The following TRIM49 variants were observed in gnomAD, a reference collection of about 807,000 sequenced individuals.
TRIM49 encodes the protein tripartite motif containing 49.
In TRIM49, 5 loss-of-function variants were observed where a neutral mutation model predicts 27.4. That is an observed-to-expected ratio of 0.18 (90% CI 0.10 to 0.38). TRIM49 has a LOEUF of 0.38. Among genes scored for constraint, TRIM49 ranks in the 10% least tolerant of loss-of-function variants. TRIM49 has a pLI of 1.00. For synonymous variants in TRIM49, 69 were observed against 166.0 expected, an observed-to-expected ratio of 0.42 and a Z score of 4.49; for missense variants, 188 against 487.5, an observed-to-expected ratio of 0.39 and a Z score of 5.79.
chr11:89,793,702 C>T (rs1368180036), downstream of TRIM49, among the ~76,000 whole-genome samples: 1 of 151,930 alleles, frequency 6.6e-6, no homozygotes, highest in African/African-American at 2.4e-5. Flanking sequence ...GCTAAAACCT[C>T]TCAATAAATT....
intron 4 of TRIM49, 134 bp downstream of exon 4, chr11:89,803,564 T>C: frequency 4.6e-6 from 7 of 1,528,706 alleles, no homozygotes; most frequent in Non-Finnish European, 6.2e-6. Context: ...CCACTTTTTC[T>C]CAGTGTTTTC....
Position 89,798,530 on chromosome 11 carries a change from T to C in TRIM49, c.959A>G (p.Tyr320Cys). The change falls in exon 8 of 8, where the codon TAT (tyrosine) becomes TGT (cysteine). Residue 320 changes from tyrosine to cysteine, a missense_variant. Physicochemically the swap from Tyr to Cys is radical, Grantham distance 194 (BLOSUM62 -2). This residue lies in a region of TRIM49 where 94 missense variants were observed against 149.6 expected (regional missense o/e 0.63). Coordinates refer to ENST00000329758, the MANE Select transcript of TRIM49 (RefSeq NM_020358.2). Reference sequence around the variant, plus strand: ...AAAACTTCTAGGTGTTGCAGTGAAATAGGGTACATCTTGATGGTCACATCC... The same window carrying C: ...AAAACTTCTAGGTGTTGCAGTGAAACAGGGTACATCTTGATGGTCACATCC... ...CIGCDHQDVP[Y>C]FTATPRSFLA... 4 of 1,580,690 alleles carry C rather than the reference T, an allele frequency of 2.5e-6. No individual in the cohort carries two copies. The highest frequency in any genetic ancestry group is 1.7e-4 in the Middle Eastern group (1 of 5,930).
Position 89,803,711 on chromosome 11 carries a change from G to A in TRIM49, c.494C>T (p.Thr165Ile), listed in dbSNP as rs1400751803. 3 of 1,301,306 alleles carry A rather than the reference G, an allele frequency of 2.3e-6. No homozygotes were observed. Among genetic ancestry groups the A allele is most frequent in the Admixed American group, 5.2e-5 (2 of 38,790 alleles). 80.6% of individuals were successfully genotyped at this position (1,301,306 alleles called of 1,614,324 possible). A position where few individuals can be genotyped will look rare whatever the true frequency, so the allele number is the denominator to read the frequency against. The change falls in exon 4 of 8, where the codon ACC becomes ATC. Residue 165 changes from threonine (T) to isoleucine (I), a missense_variant. By Grantham distance (89) the Thr-to-Ile change is moderately conservative (BLOSUM62 -1). This residue lies in a region of TRIM49 where 14 missense variants were observed against 118.8 expected (regional missense o/e 0.12). Coordinates refer to ENST00000329758, the MANE Select transcript of TRIM49 (RefSeq NM_020358.2). ...HRNLNVETTRTRCWKDYVNLR... is the reference protein window; with the variant it reads ...HRNLNVETTRIRCWKDYVNLR... The stretch of plus-strand genomic sequence containing the variant: ...TACAGGACTAACCTTCCAGCATCTG[G>A]TTCTGGTGGTTTCCACATTCAGGTT...
At chr11:89,783,653 T>C in the TRIM49 span, among the ~76,000 whole-genome samples, 19 of 142,840 alleles carry the variant, frequency 1.3e-4, no homozygotes, top group Admixed American at 1.3e-3. Flanking sequence ...AAGCATAAAG[T>C]GGTATAAACC....
chr11:89,774,200 C>T, the TRIM49 span, among the ~76,000 whole-genome samples: 1 of 150,758 alleles, frequency 6.6e-6, no homozygotes, highest in Non-Finnish European at 1.5e-5. Context: ...TGGAGTTTCA[C>T]TATCTTGGCC....
chr11:89,806,897 T>G (rs2134648987), intron 2 of TRIM49, among the ~76,000 whole-genome samples: 1 of 149,298 alleles, frequency 6.7e-6, no homozygotes, highest in South Asian at 2.2e-4. Context: ...ATATTTTAAG[T>G]TTTTCAGAAC....
the TRIM49 span, among the ~76,000 whole-genome samples, chr11:89,775,693 G>A: frequency 1.5e-5 from 2 of 132,886 alleles, no homozygotes; most frequent in Non-Finnish European, 1.5e-5. Context: ...ATCTGAATTG[G>A]CAATGGGAAA....
chr11:89,806,178 AATG>A (rs1949788476), intron 2 of TRIM49, among the ~76,000 whole-genome samples: 1 of 150,430 alleles, frequency 6.6e-6, no homozygotes, highest in African/African-American at 2.5e-5. Flanking sequence ...ACTGTAACAC[AATG>A]ATAACTATTT....
the TRIM49 span, among the ~76,000 whole-genome samples, chr11:89,792,542 G>A: frequency 5.9e-5 from 9 of 152,090 alleles, no homozygotes; most frequent in African/African-American, 1.2e-4. Context: ...ATAACAAACT[G>A]TCTCTCAGAC....
At chr11:89,778,359 A>G in the TRIM49 span, among the ~76,000 whole-genome samples, 33,878 of 147,018 alleles carry the variant, frequency 0.23, 1,716 homozygotes, top group African/African-American at 0.4. Flanking sequence ...AGTAAAAGTA[A>G]AAAAAAACTG....
chr11:89,769,272 A>G, the TRIM49 span, among the ~76,000 whole-genome samples: 2 of 132,930 alleles, frequency 1.5e-5, no homozygotes, highest in Non-Finnish European at 1.5e-5. Context: ...ACCACATACT[A>G]TCACTGCAAC....
chr11:89,797,186 G>A (rs1949697049), downstream of TRIM49, among the ~76,000 whole-genome samples: 1 of 151,004 alleles, frequency 6.6e-6, no homozygotes, highest in African/African-American at 2.4e-5. Context: ...TCTGTAAAGT[G>A]TCTGTTCAGA....
At chr11:89,784,723 T>A in the TRIM49 span, among the ~76,000 whole-genome samples, 1 of 143,930 alleles carries the variant, frequency 6.9e-6, no homozygotes, top group Non-Finnish European at 1.5e-5. Context: ...TATTTGTTCC[T>A]AGTTTTCAAG....
At chr11:89,791,235 A>G in the TRIM49 span, among the ~76,000 whole-genome samples, 1 of 151,946 alleles carries the variant, frequency 6.6e-6, no homozygotes, top group East Asian at 1.9e-4. Flanking sequence ...TCCAAGAAAT[A>G]TGGGACAATG....
the TRIM49 span, chr11:89,777,103 T>C: frequency 2.6e-6 from 4 of 1,550,380 alleles, no homozygotes; most frequent in South Asian, 3.6e-5. Context: ...CCTCTGCCTC[T>C]GCTCAGAAGA....
rs1362891456 is a variant in TRIM49, at chr11:89,800,997, A to T, written c.739-9T>A. 1 of 1,393,722 alleles carries T rather than the reference A, an allele frequency of 7.2e-7. No individual in the cohort carries two copies. Among genetic ancestry groups the T allele is most frequent in the Non-Finnish European group, 9.7e-7 (1 of 1,032,982 alleles). 86.3% of individuals were successfully genotyped at this position (1,393,722 alleles called of 1,614,324 possible). On this transcript the variant is annotated splice_polypyrimidine_tract_variant and intron_variant, in intron 5 of 7. Coordinates refer to ENST00000329758, the MANE Select transcript of TRIM49 (RefSeq NM_020358.2). ...AATATGTCTCCAAAAGCCTGAAAAAAAAAAAAAGAAGAAAGATTTAGTGCA... is the reference window on the plus strand; with the variant it reads ...AATATGTCTCCAAAAGCCTGAAAAATAAAAAAAGAAGAAAGATTTAGTGCA...
At chr11:89,768,392 C>T in the TRIM49 span, 4 of 748,034 alleles carry the variant, frequency 5.3e-6, no homozygotes, top group Non-Finnish European at 8.5e-6. Context: ...TTGTAATGTA[C>T]CTCCACAATC....
the TRIM49 span, among the ~76,000 whole-genome samples, chr11:89,769,937 TC>T: frequency 7.9e-6 from 1 of 126,872 alleles, no homozygotes; most frequent in Non-Finnish European, 1.6e-5. Context: ...AAGCCACAGT[TC>T]CCCCAGATCT....
At chr11:89,791,740 G>A in the TRIM49 span, among the ~76,000 whole-genome samples, 1 of 152,182 alleles carries the variant, frequency 6.6e-6, no homozygotes, top group Non-Finnish European at 1.5e-5. Context: ...GCTCCTAAAG[G>A]AAGCACTAAA....
Sources: gnomAD v4.1 joint callset for allele counts (sites outside exome capture counted in the v4.1 genomes callset) on GRCh38, gnomAD v4.1.1 for gene constraint, gnomAD v4.1.1 regional missense constraint, MANE v1.5 for transcripts, NCBI Gene and HGNC (gene_info 2026-07-23, HGNC 2026-07-21) for gene names.